MAGI2: variants seen among roughly 807,000 people sequenced by gnomAD.
The protein encoded by MAGI2 is membrane-associated guanylate kinase, WW and PDZ domain-containing protein 2.
In MAGI2, 35 loss-of-function variants were observed where a neutral mutation model predicts 133.3. The observed-to-expected ratio is 0.26, with a 90% confidence interval of 0.20 to 0.35. The LOEUF (loss-of-function observed/expected upper bound fraction) is 0.35. Among genes scored for constraint, MAGI2 ranks in the 10% least tolerant of loss-of-function variants. MAGI2 has a pLI of 1.00. For synonymous variants in MAGI2, 729 were observed against 710.6 expected, an observed-to-expected ratio of 1.03 and a Z score of -0.41; for missense variants, 1,636 against 1,863.4, an observed-to-expected ratio of 0.88 and a Z score of 2.25.
Position 78,329,937 on chromosome 7 carries a change from A to G in MAGI2, c.1408+13841T>C, listed in dbSNP as rs1010650576. Among the ~76,000 whole-genome samples, 4 of 152,194 alleles carry G rather than the reference A, an allele frequency of 2.6e-5. No individual in the cohort carries two copies. The East Asian group carries it at 5.8e-4, about 22-fold the overall frequency. Reference sequence around the variant, plus strand: ...ATTCTGAAAATTTCCTGATACCTCTATGAAGTCTAAAATGATTTAAAGAAG... The same window carrying G: ...ATTCTGAAAATTTCCTGATACCTCTGTGAAGTCTAAAATGATTTAAAGAAG... On this transcript the variant is annotated intron_variant, in intron 9 of 21. Transcript: ENST00000354212.
At position 78,677,045 on chromosome 7, in the gene MAGI2, CT is replaced by C. The variant is rs146063294; in HGVS notation, c.419-49807del. Among the ~76,000 whole-genome samples the C allele has an allele frequency of 4.1e-4, 62 of 152,138 alleles. 1 individual carries two copies. The East Asian group carries it at 0.011, about 27-fold the overall frequency. On this transcript the variant is annotated intron_variant, in intron 2 of 21. Transcript: ENST00000354212. ...ATAACTCAGTTTAAACAGTTTTTTT[CT>C]TTAACTTCCCATTACTCTTTCCTTT...
chr7:78,026,071 T>C (rs1349762359), intron 21 of MAGI2: 1 of 152,598 alleles, frequency 6.6e-6, no homozygotes. Context: ...TTCTTACCCT[T>C]CCTATTGTCA....
At chr7:78,305,554 T>C (rs974112319) in intron 9 of MAGI2, among the ~76,000 whole-genome samples, 2 of 152,184 alleles carry the variant, frequency 1.3e-5, no homozygotes, top group African/African-American at 4.8e-5. Flanking sequence ...TATGGTAATA[T>C]GCAAAGTAAC....
chr7:79,175,647 T>C (rs1447794541), intron 1 of MAGI2, among the ~76,000 whole-genome samples: 2 of 151,994 alleles, frequency 1.3e-5, no homozygotes, highest in East Asian at 1.9e-4. Context: ...TAAACATAGA[T>C]GGTGTAGCCT....
chr7:78,525,038 CTAAAAA>C (rs1796833176), intron 3 of MAGI2, among the ~76,000 whole-genome samples: 1 of 151,672 alleles, frequency 6.6e-6, no homozygotes, highest in South Asian at 2.1e-4. Flanking sequence ...ATAGCACAGG[CTAAAAA>C]TAAATACTAA....
chr7:78,414,247 C>T (rs964033322), intron 6 of MAGI2, among the ~76,000 whole-genome samples: 56 of 151,402 alleles, frequency 3.7e-4, no homozygotes, highest in African/African-American at 1.2e-3. Context: ...TGACATTGCA[C>T]GAAATATTTA....
intron 21 of MAGI2, among the ~76,000 whole-genome samples, chr7:78,021,853 C>G (rs546801232): frequency 2.1e-4 from 32 of 152,192 alleles, no homozygotes; most frequent in African/African-American, 7.2e-4. Flanking sequence ...ATAAAATATC[C>G]AACTTTACAG....
At chr7:78,499,239 T>TC (rs979666778) in intron 5 of MAGI2, among the ~76,000 whole-genome samples, 1 of 152,202 alleles carries the variant, frequency 6.6e-6, no homozygotes, top group African/African-American at 2.4e-5. Flanking sequence ...TAATGACAGC[T>TC]CCCATACCTG....
At chr7:78,669,798 A>G (rs1814124416) in intron 2 of MAGI2, among the ~76,000 whole-genome samples, 1 of 152,194 alleles carries the variant, frequency 6.6e-6, no homozygotes, top group South Asian at 2.1e-4. Context: ...AATCCAGCAT[A>G]TAACAGAACC....
intron 9 of MAGI2, among the ~76,000 whole-genome samples, chr7:78,298,753 C>A (rs1050173255): frequency 2.6e-5 from 4 of 151,674 alleles, no homozygotes; most frequent in African/African-American, 9.7e-5. Flanking sequence ...GATCCACTCA[C>A]CTTGGCCTCC....
intron 2 of MAGI2, among the ~76,000 whole-genome samples, chr7:78,711,935 A>G (rs935326813): frequency 3.3e-5 from 5 of 152,176 alleles, no homozygotes; most frequent in Non-Finnish European, 5.9e-5. Flanking sequence ...GAAATATGGC[A>G]CCAACAACTT....
intron 13 of MAGI2, among the ~76,000 whole-genome samples, chr7:78,179,844 G>A (rs1584285221): frequency 6.6e-6 from 1 of 152,128 alleles, no homozygotes; most frequent in Admixed American, 6.6e-5. Context: ...AGACACAACC[G>A]GCTTTTGAAC....
At chr7:79,372,065 CTG>C (rs1843085103) in intron 1 of MAGI2, among the ~76,000 whole-genome samples, 1 of 152,124 alleles carries the variant, frequency 6.6e-6, no homozygotes, top group South Asian at 2.1e-4. Flanking sequence ...GGGTAAAAAA[CTG>C]AGGTCTAACT....
At chr7:78,586,436 C>T (rs544156149) in intron 3 of MAGI2, among the ~76,000 whole-genome samples, 9 of 151,200 alleles carry the variant, frequency 6.0e-5, no homozygotes, top group African/African-American at 2.2e-4. Flanking sequence ...CTATGATTAA[C>T]ATTTTATATA....
At chr7:78,590,288 G>C (rs1450541266) in intron 3 of MAGI2, among the ~76,000 whole-genome samples, 1 of 152,198 alleles carries the variant, frequency 6.6e-6, no homozygotes, top group Admixed American at 6.5e-5. Context: ...CATGCTAGGA[G>C]ATTGGCTTCT....
At chr7:79,339,034 C>G (rs1563130740) in intron 1 of MAGI2, among the ~76,000 whole-genome samples, 1 of 151,940 alleles carries the variant, frequency 6.6e-6, no homozygotes, top group Non-Finnish European at 1.5e-5. Flanking sequence ...TACTTTCATT[C>G]AATATAATAA....
chr7:78,862,344 G>A (rs896048735), intron 2 of MAGI2, among the ~76,000 whole-genome samples: 5 of 152,106 alleles, frequency 3.3e-5, no homozygotes, highest in Admixed American at 6.6e-5. Flanking sequence ...AGACATGTGC[G>A]AATAAAAATG....
At chr7:78,030,941 T>A (rs2151060151) in intron 21 of MAGI2, among the ~76,000 whole-genome samples, 1 of 152,348 alleles carries the variant, frequency 6.6e-6, no homozygotes, top group African/African-American at 2.4e-5. Context: ...GGTGACTTTA[T>A]TCATAATCAC....
At chr7:79,163,113 G>A (rs1296008726) in intron 1 of MAGI2, among the ~76,000 whole-genome samples, 2 of 152,032 alleles carry the variant, frequency 1.3e-5, no homozygotes, top group Non-Finnish European at 2.9e-5. Flanking sequence ...TCAGTATAGG[G>A]TACAATACAA....
Sources: gnomAD v4.1 joint callset for allele counts (sites outside exome capture counted in the v4.1 genomes callset) on GRCh38, gnomAD v4.1.1 for gene constraint, MANE v1.5 for transcripts, NCBI Gene and HGNC (gene_info 2026-07-23, HGNC 2026-07-21) for gene names.